The following XKR5 variants were observed in gnomAD, a reference collection of about 807,000 sequenced individuals.
The protein encoded by XKR5 is XK related 5.
Under a neutral mutation model 40.8 loss-of-function variants are expected in XKR5, and 46 were observed. The ratio of observed to expected loss-of-function variants is 1.13; its 90% CI spans 0.89 to 1.44. The LOEUF (loss-of-function observed/expected upper bound fraction) is 1.44. Among genes scored for constraint, XKR5 ranks in the 40% most tolerant of loss-of-function variants. The probability of loss-of-function intolerance (pLI) is 0.00; values close to 1 mark genes in which losing one functional copy is unlikely to be tolerated. For synonymous variants in XKR5, 466 were observed against 356.1 expected, an observed-to-expected ratio of 1.31 and a Z score of -3.48; for missense variants, 1,169 against 844.7, an observed-to-expected ratio of 1.38 and a Z score of -4.76.
At chr8:6,823,496 T>A in intron 4 of XKR5, 25 bp downstream of exon 4, 1 of 1,563,100 alleles carries the variant, frequency 6.4e-7, no homozygotes, top group East Asian at 2.4e-5. Context: ...CAGCAACAGA[T>A]GACCAGATCA....
rs778426401 is a variant in XKR5 at position 6,812,155 on chromosome 8, A to G, written c.1104T>C (p.Ser368=). 1.0e-5 allele frequency: 16 copies of G among 1,551,500 alleles called. No homozygotes were observed. In the South Asian group the frequency reaches 1.3e-4, roughly 13 times the overall value. The change falls in exon 7 of 7, where the codon AGT becomes AGC. Residue 368 remains serine, a synonymous_variant. Coordinates refer to ENST00000618742, the MANE Select transcript of XKR5 (RefSeq NM_207411.5). ...GCTTCCCTAAAATGGTTGGTTCATA[A>G]CTTGCCCCTTGGCATGAGCCTGAGC... ...TESSGSCQGA[S]YEPTILGKPP...
chr8:6,819,965 C>A (rs1307220759), intron 5 of XKR5, among the ~76,000 whole-genome samples: 1 of 150,688 alleles, frequency 6.6e-6, no homozygotes, highest in Non-Finnish European at 1.5e-5. Flanking sequence ...ATTTATCTTT[C>A]AGAGCATCTA....
intron 6 of XKR5, among the ~76,000 whole-genome samples, chr8:6,813,063 A>G (rs1803810991): frequency 6.6e-6 from 1 of 152,196 alleles, no homozygotes; most frequent in Non-Finnish European, 1.5e-5. Flanking sequence ...CTCATTATAA[A>G]CAGCACAAAA....
chr8:6,815,226 C>T (rs939592013), intron 6 of XKR5, among the ~76,000 whole-genome samples: 6 of 152,164 alleles, frequency 3.9e-5, no homozygotes, highest in East Asian at 1.9e-4. Context: ...ATCTGGGAAG[C>T]GAGGTCATCA....
intron 3 of XKR5, 81 bp from the exon 4 acceptor site, chr8:6,823,811 T>G (rs1159485463): frequency 1.6e-6 from 2 of 1,218,744 alleles, no homozygotes; most frequent in African/African-American, 3.0e-5. Flanking sequence ...TCATGGCATT[T>G]CTTTAATGGG....
chr8:6,811,560 G>C lies in XKR5; in HGVS notation c.1699C>G (p.His567Asp). 6.5e-7 allele frequency: 1 copy of C among 1,536,780 alleles called. No individual in the cohort carries two copies. ...EGSPATLQTA[H>D]SGRRLGKSSP... ...CTCTTTCCCAGCCTCCTTCCAGAGT[G>C]GGCCGTTTGCAGAGTAGCTGGGCTG... Residue 567 changes from histidine to aspartate, a missense_variant, in exon 7 of 7, where the codon CAC becomes GAC. Coordinates refer to ENST00000618742, the MANE Select transcript of XKR5 (RefSeq NM_207411.5).
chr8:6,812,223 C>T lies in XKR5; in HGVS notation c.1036G>A (p.Asp346Asn). ...IAGGDKTERRDSPRATDLAGK... is the reference protein window; with the variant it reads ...IAGGDKTERRNSPRATDLAGK... ...GCTAGATCTGTGGCCCGGGGAGAAT[C>T]TCTTCTCTCTGTTTTATCACCTCCT... The change falls in exon 7 of 7, where the codon GAT becomes AAT. Residue 346 changes from aspartate to asparagine, a missense_variant. Coordinates refer to ENST00000618742, the MANE Select transcript of XKR5 (RefSeq NM_207411.5). The T allele has an allele frequency of 6.4e-7, 1 of 1,552,076 alleles. No homozygotes were observed. Among genetic ancestry groups the T allele is most frequent in the Non-Finnish European group, 8.7e-7 (1 of 1,147,086 alleles).
chr8:6,823,961 T>C (rs1463498004), intron 3 of XKR5, among the ~76,000 whole-genome samples: 1 of 152,226 alleles, frequency 6.6e-6, no homozygotes, highest in Non-Finnish European at 1.5e-5. Context: ...AGGAAATATT[T>C]CCACTGCTCA....
intron 5 of XKR5, among the ~76,000 whole-genome samples, chr8:6,821,123 C>G (rs565730522): frequency 6.6e-6 from 1 of 152,186 alleles, no homozygotes; most frequent in South Asian, 2.1e-4. Context: ...TTGGCTGAAG[C>G]CAGCTGGTGG....
chr8:6,827,000 C>T (rs1563360069), intron 2 of XKR5, among the ~76,000 whole-genome samples: 1 of 152,144 alleles, frequency 6.6e-6, no homozygotes, highest in Non-Finnish European at 1.5e-5. Context: ...AGTCTGTTTC[C>T]CATGAGCCTA....
At chr8:6,832,935 G>C in intron 1 of XKR5, 35 bp from the exon 2 acceptor site, 1 of 1,512,902 alleles carries the variant, frequency 6.6e-7, no homozygotes, top group South Asian at 1.3e-5. Flanking sequence ...CAGGTTGTTG[G>C]AAGGCTGGAG....
chr8:6,832,919 GGCAA>G lies in XKR5; in HGVS notation c.59-23_59-20del. 6.5e-7 allele frequency: 1 copy of G among 1,538,114 alleles called. No individual in the cohort carries two copies. The highest frequency in any genetic ancestry group is 1.3e-5 in the South Asian group (1 of 79,282). ...TAAAGGCCTGGGTGAGAAGGGGAAA[GGCAA>G]GCAGGTTGTTGGAAGGCTGGAGTGA... On this transcript the variant is annotated intron_variant, in intron 1 of 6. Transcript: ENST00000618742.
chr8:6,819,236 T>C (rs1804111680), intron 5 of XKR5, among the ~76,000 whole-genome samples: 1 of 152,076 alleles, frequency 6.6e-6, no homozygotes, highest in South Asian at 2.1e-4. Context: ...GGGCCTGGGG[T>C]CTGGCAGCCT....
rs1051668323 is a variant in XKR5, at chr8:6,811,041, G to T, written c.*157C>A. On this transcript the variant is annotated 3_prime_UTR_variant, in exon 7 of 7. Transcript: ENST00000618742. ...TGCATTGGACCTGCAAAATCATCCA[G>T]CCCTGTTTCTTCATTTTTCAGGGAT... 2.9e-5 allele frequency: 19 copies of T among 650,910 alleles called. No homozygotes were observed. The highest frequency in any genetic ancestry group is 4.0e-5 in the Non-Finnish European group (18 of 444,944). The allele number at this position is 650,910 out of a possible 1,614,324, so 40.3% of individuals were successfully genotyped here.
At chr8:6,831,302 C>T (rs1026488376) in intron 2 of XKR5, among the ~76,000 whole-genome samples, 30 of 152,220 alleles carry the variant, frequency 2.0e-4, no homozygotes, top group Non-Finnish European at 1.2e-4. Context: ...AGGGCCCTGT[C>T]TTTTCAGGGG....
At chr8:6,830,096 C>A (rs1179326515) in intron 2 of XKR5, among the ~76,000 whole-genome samples, 2 of 151,906 alleles carry the variant, frequency 1.3e-5, no homozygotes, top group Admixed American at 1.3e-4. Flanking sequence ...CTCGGCCTCT[C>A]AAAGTGCTGG....
At chr8:6,826,579 G>A (rs557359805) in intron 2 of XKR5, among the ~76,000 whole-genome samples, 56 of 152,258 alleles carry the variant, frequency 3.7e-4, no homozygotes, top group African/African-American at 1.3e-3. Context: ...TGGTGCTACC[G>A]ACGGAAATAA....
intron 1 of XKR5, among the ~76,000 whole-genome samples, chr8:6,833,808 G>C (rs1587210595): frequency 6.6e-6 from 1 of 152,192 alleles, no homozygotes; most frequent in Admixed American, 6.5e-5. Context: ...AGAGCCTCTG[G>C]CAACAGGGAC....
At chr8:6,820,535 G>C (rs1358016918) in intron 5 of XKR5, among the ~76,000 whole-genome samples, 1 of 152,218 alleles carries the variant, frequency 6.6e-6, no homozygotes, top group Non-Finnish European at 1.5e-5. Flanking sequence ...CAGGCGGGGT[G>C]TCCACCTATG....
Sources: gnomAD v4.1 joint callset for allele counts (sites outside exome capture counted in the v4.1 genomes callset) on GRCh38, gnomAD v4.1.1 for gene constraint, MANE v1.5 for transcripts, NCBI Gene and HGNC (gene_info 2026-07-23, HGNC 2026-07-21) for gene names.